The following POLRMT variants were observed in gnomAD, a reference collection of about 807,000 sequenced individuals.
POLRMT encodes RNA polymerase mitochondrial, also known as DNA-directed RNA polymerase, mitochondrial.
POLRMT carries 114 observed loss-of-function variants against 132.2 expected under a neutral mutation model. The ratio of observed to expected loss-of-function variants is 0.86; its 90% CI spans 0.74 to 1.01. The LOEUF is 1.01. Ranked by LOEUF, POLRMT falls within the 50% of genes least tolerant of loss-of-function variation. The probability of loss-of-function intolerance (pLI) is 0.00; values close to 1 mark genes in which losing one functional copy is unlikely to be tolerated. For synonymous variants in POLRMT, 1,020 were observed against 773.4 expected (o/e 1.32, Z -5.29); for missense variants, 2,003 against 1,729.1 (o/e 1.16, Z -2.81).
Position 619,735 on chromosome 19 carries a change from G to C in POLRMT, c.2917C>G (p.Arg973Gly). The change falls in exon 13 of 21, where the codon CGG (arginine) becomes GGG (glycine). Residue 973 changes from arginine to glycine, a missense_variant. By Grantham distance (125) the Arg-to-Gly change is moderately radical (BLOSUM62 -2). Coordinates refer to ENST00000588649, the MANE Select transcript of POLRMT (RefSeq NM_005035.4). ...VEVFRRQDAQ[R>G]GMRVAQVLEG... is the part of the protein sequence containing the mutation. ...AGCACCTGTGCCACCCGCATGCCCC[G>C]CTGGGCGTCCTGCCTACGGAACACC... is the stretch of plus-strand genomic sequence containing the variant. 1 of 1,594,566 alleles carries C rather than the reference G, an allele frequency of 6.3e-7. No individual in the cohort carries two copies. Among genetic ancestry groups the C allele is most frequent in the Non-Finnish European group, 8.5e-7 (1 of 1,170,544 alleles).
intron 3 of POLRMT, among the ~76,000 whole-genome samples, chr19:628,492 A>G (rs1049598405): frequency 6.6e-6 from 1 of 152,336 alleles, no homozygotes; most frequent in South Asian, 2.1e-4. Flanking sequence ...ATGCGTTAAT[A>G]AAGAAGCACA....
rs41540412 is a variant in POLRMT at position 622,126 on chromosome 19, C to T, written c.1851+23G>A. ...GTCCTCCCAGCGGGATGCCCCCCAG[C>T]TCAGGAGGGCACTGCCTGGCACCTG... On this transcript the variant is annotated intron_variant, in intron 9 of 20. Coordinates refer to ENST00000588649, the MANE Select transcript of POLRMT (RefSeq NM_005035.4). The T allele has an allele frequency of 2.0e-3, 3,045 of 1,518,430 alleles. 39 individuals are homozygous for T. In the African/African-American group the frequency reaches 0.037, roughly 18 times the overall value. 94.1% of individuals were successfully genotyped at this position (1,518,430 alleles called of 1,614,324 possible). A position where few individuals can be genotyped will look rare whatever the true frequency, so the allele number is the denominator to read the frequency against.
At chr19:624,631 G>T (rs528186332) in intron 5 of POLRMT, 88 bp downstream of exon 5, 28 of 1,426,348 alleles carry the variant, frequency 2.0e-5, no homozygotes, top group Non-Finnish European at 2.6e-5. Context: ...TGGGCACCGG[G>T]GAGGCCCATT....
intron 11 of POLRMT, 109 bp downstream of exon 11, chr19:620,256 A>G (rs1014095551): frequency 9.6e-6 from 14 of 1,458,074 alleles, no homozygotes; most frequent in Non-Finnish European, 1.3e-5. Context: ...ACACTCTAGG[A>G]CCACCTCCAG....
rs1319344007 is a variant in POLRMT at position 622,805 on chromosome 19, G to GCGGAGGAAGACGCACCTGC, written c.1452_1455+15dup. The GCGGAGGAAGACGCACCTGC allele has an allele frequency of 5.1e-6, 8 of 1,578,756 alleles. No individual in the cohort carries two copies. Among genetic ancestry groups the GCGGAGGAAGACGCACCTGC allele is most frequent in the Non-Finnish European group, 6.9e-6 (8 of 1,163,596 alleles). ...CCGCCCCGCCCGGGGACCCGGCCGC[G>GCGGAGGAAGACGCACCTGC]CGGAGGAAGACGCACCTGCAGGAGC... On this transcript the variant is annotated intron_variant, in intron 7 of 20. Transcript: ENST00000588649.
intron 2 of POLRMT, among the ~76,000 whole-genome samples, chr19:632,471 C>G (rs1985489758): frequency 6.6e-6 from 1 of 151,372 alleles, no homozygotes. Context: ...AGAGCCAAGC[C>G]AGGACAGCTG....
rs756228617 is a variant in POLRMT, at chr19:633,524, C to T, written c.-12G>A. 1.4e-6 allele frequency: 1 copy of T among 740,636 alleles called. No homozygotes were observed. The highest frequency in any genetic ancestry group is 1.9e-6 in the Non-Finnish European group (1 of 529,950). The allele number at this position is 740,636 out of a possible 1,614,324, so 45.9% of individuals were successfully genotyped here. A position where few individuals can be genotyped will look rare whatever the true frequency, so the allele number is the denominator to read the frequency against. Reference sequence around the variant, plus strand: ...CAAAGTGCCGACATTACGCACGCCGCTCCAGGCCACCCCACCGGCCCGCGC... The same window carrying T: ...CAAAGTGCCGACATTACGCACGCCGTTCCAGGCCACCCCACCGGCCCGCGC... On this transcript the variant is annotated 5_prime_UTR_variant, in exon 1 of 21. Coordinates refer to ENST00000588649, the MANE Select transcript of POLRMT (RefSeq NM_005035.4).
At chr19:620,554 G>A (rs1984445125) in intron 10 of POLRMT, 67 bp from the exon 11 acceptor site, 3 of 1,455,894 alleles carry the variant, frequency 2.1e-6, no homozygotes, top group Non-Finnish European at 2.7e-6. Context: ...GGGAGGCTGT[G>A]TTGCGGGGAG....
chr19:627,886 C>T (rs1985134176), intron 3 of POLRMT, among the ~76,000 whole-genome samples: 1 of 146,732 alleles, frequency 6.8e-6, no homozygotes, highest in Admixed American at 6.9e-5. Flanking sequence ...GATCATGGCA[C>T]TGCACCCTAG....
intron 3 of POLRMT, among the ~76,000 whole-genome samples, chr19:626,800 C>T (rs1181705768): frequency 2.0e-5 from 3 of 151,042 alleles, no homozygotes; most frequent in African/African-American, 7.3e-5. Flanking sequence ...GCGGAAATTG[C>T]GGTAAGCCGG....
intron 6 of POLRMT, 21 bp from the exon 7 acceptor site, chr19:623,006 C>T (rs768705494): frequency 5.0e-6 from 8 of 1,607,636 alleles, no homozygotes; most frequent in South Asian, 3.3e-5. Flanking sequence ...TGAACGGGCC[C>T]GGTGAGCCCC....
chr19:619,931 GC>G (rs774989011), intron 12 of POLRMT, 26 bp downstream of exon 12: 6 of 1,599,498 alleles, frequency 3.8e-6, no homozygotes, highest in Non-Finnish European at 2.5e-6. Flanking sequence ...ACGCCGAGAT[GC>G]CCCCGGGCAG....
Position 621,496 on chromosome 19 carries a change from C to A in POLRMT, c.2202G>T (p.Pro734=). ...KGCPQLGVPA[P]PSEAPQPPEA... is the part of the protein sequence containing the mutation. ...CGGGCGGCTGGGGCGCCTCGGAGGG[C>A]GGGGCCGGCACGCCTAGCTGGGGGC... The change falls in exon 10 of 21, where the codon CCG becomes CCT. Residue 734 remains proline, a synonymous_variant. Transcript: ENST00000588649. 1 of 1,374,898 alleles carries A rather than the reference C, an allele frequency of 7.3e-7. No individual in the cohort carries two copies. The highest frequency in any genetic ancestry group is 9.3e-7 in the Non-Finnish European group (1 of 1,072,808). The allele number at this position is 1,374,898 out of a possible 1,614,324, so 85.2% of individuals were successfully genotyped here.
intron 3 of POLRMT, among the ~76,000 whole-genome samples, chr19:628,966 C>T (rs1488069086): frequency 2.6e-5 from 4 of 152,036 alleles, no homozygotes; most frequent in Admixed American, 1.3e-4. Context: ...ATCGCACCAC[C>T]GCACTCCAAC....
Position 619,935 on chromosome 19 carries a change from C to A in POLRMT, c.2886+23G>T. 2.5e-6 allele frequency: 4 copies of A among 1,600,250 alleles called. No homozygotes were observed. In the East Asian group the frequency reaches 9.0e-5, roughly 36 times the overall value. ...ACATTGCCCCCACGCCGAGATGCCC[C>A]CGGGCAGCAGGGCACACCCTACCTG... On this transcript the variant is annotated intron_variant, in intron 12 of 20. Transcript: ENST00000588649.
rs1191804350 is a variant in POLRMT at position 622,196 on chromosome 19, G to C, written c.1804C>G (p.Leu602Val). The C allele has an allele frequency of 1.3e-6, 2 of 1,584,122 alleles. No individual in the cohort carries two copies. The highest frequency in any genetic ancestry group is 1.7e-6 in the Non-Finnish European group (2 of 1,167,260). Residue 602 changes from leucine (L) to valine (V), a missense_variant, in exon 9 of 21, where the codon CTT (leucine) becomes GTT (valine). Coordinates refer to ENST00000588649, the MANE Select transcript of POLRMT (RefSeq NM_005035.4). ...TACACGTGGTAGAGCACGGGGACAA[G>C]CCGAGAGGAACGATGCGGCTTGTCC... ...SLDKPHRSSRLVPVLYHVYSF... is the reference protein window; with the variant it reads ...SLDKPHRSSRVVPVLYHVYSF...
intron 3 of POLRMT, among the ~76,000 whole-genome samples, chr19:626,835 G>A (rs962421809): frequency 7.9e-5 from 12 of 151,044 alleles, no homozygotes; most frequent in Non-Finnish European, 1.2e-4. Flanking sequence ...ACTCCAGCCT[G>A]GGAGACAGAA....
At position 622,865 on chromosome 19, in the gene POLRMT, G is replaced by A; in HGVS notation, c.1411C>T (p.Leu471=). The change falls in exon 7 of 21, where the codon CTG becomes TTG. Residue 471 remains leucine (L), a synonymous_variant. Transcript: ENST00000588649. ...ACCTCGCGCTCGTCCAGCAGGCACA[G>A]GAAGGGGTAAAGTGAGAACCGGCCC... The part of the protein sequence containing the change: ...YEGRFSLYPF[L]CLLDEREVVR... The A allele has an allele frequency of 3.1e-6, 5 of 1,608,680 alleles. No individual in the cohort carries two copies. Among genetic ancestry groups the A allele is most frequent in the Non-Finnish European group, 3.4e-6 (4 of 1,178,256 alleles).
chr19:622,653 C>CCCG lies in POLRMT; in HGVS notation c.1552_1554dup (p.Arg518dup), dbSNP rs1321031133. ...TGCAGCGCCTGCACCTGGCCACTGA[C>CCCG]CCGCTGCCTCTGCACCACGTGCCGG... On this transcript the variant is annotated inframe_insertion, in exon 8 of 21. Coordinates refer to ENST00000588649, the MANE Select transcript of POLRMT (RefSeq NM_005035.4). The CCCG allele has an allele frequency of 1.2e-6, 2 of 1,606,698 alleles. No individual in the cohort carries two copies. Among genetic ancestry groups the CCCG allele is most frequent in the African/African-American group, 2.7e-5 (2 of 74,756 alleles).
Sources: allele counts gnomAD v4.1 joint callset (sites outside exome capture counted in the v4.1 genomes callset), GRCh38; gene constraint gnomAD v4.1.1; transcripts MANE v1.5; gene names NCBI Gene and HGNC (gene_info 2026-07-23, HGNC 2026-07-21).